Variants in LY96 observed in about 807,000 individuals in gnomAD.
The protein encoded by LY96 is lymphocyte antigen 96.
LY96 carries 18 observed loss-of-function variants against 18.9 expected under a neutral mutation model. The ratio of observed to expected loss-of-function variants is 0.95; its 90% confidence interval spans 0.66 to 1.41. LY96 has a LOEUF of 1.41. Among genes scored for constraint, LY96 ranks in the 40% most tolerant of loss-of-function variants. LY96 has a pLI of 0.00. For missense variants in LY96, 175 were observed against 182.4 expected, an observed-to-expected ratio of 0.96 and a Z score of 0.23; for synonymous variants, 66 against 62.6, an observed-to-expected ratio of 1.06 and a Z score of -0.26.
Position 73,996,368 on chromosome 8 carries a change from CATTCCTTTCTTT to C in LY96, c.112+4815_112+4826del, listed in dbSNP as rs1563707762. 1.2e-3 allele frequency among the ~76,000 whole-genome samples: 75 copies of C among 62,530 alleles called. 2 individuals carry two copies. Among genetic ancestry groups the C allele is most frequent in the Admixed American group, 1.9e-3 (9 of 4,844 alleles). 41.0% of individuals were successfully genotyped at this position (62,530 alleles called of 152,430 possible). A position where few individuals can be genotyped will look rare whatever the true frequency, so the allele number is the denominator to read the frequency against. On this transcript the variant is annotated intron_variant, in intron 1 of 4. Coordinates refer to ENST00000284818, the MANE Select transcript of LY96 (RefSeq NM_015364.5). The stretch of plus-strand genomic sequence containing the variant: ...TCCTTCCTTCCTTCCTTCCTTCCTT[CATTCCTTTCTTT>C]CTTTCTTTCTTTCTTTCTTTCTTTC...
chr8:74,070,468 A>G, the LY96 span, among the ~76,000 whole-genome samples: 2 of 152,308 alleles, frequency 1.3e-5, no homozygotes, highest in African/African-American at 4.8e-5. Context: ...CCCCTACTCC[A>G]GCTTTATCTT....
chr8:74,060,975 A>G, the LY96 span, among the ~76,000 whole-genome samples: 4 of 152,194 alleles, frequency 2.6e-5, no homozygotes, highest in African/African-American at 7.2e-5. Context: ...GAGCATTTCT[A>G]TACCTTCGTG....
At chr8:74,036,468 A>G in the LY96 span, among the ~76,000 whole-genome samples, 2 of 152,162 alleles carry the variant, frequency 1.3e-5, no homozygotes, top group Admixed American at 6.5e-5. Flanking sequence ...AGAAACTAAG[A>G]TGGGTTTTTT....
the LY96 span, among the ~76,000 whole-genome samples, chr8:74,095,048 A>G: frequency 6.6e-6 from 1 of 152,204 alleles, no homozygotes; most frequent in Non-Finnish European, 1.5e-5. Flanking sequence ...GAATTTCCCA[A>G]TATTATTGTT....
chr8:74,087,982 A>T, the LY96 span, among the ~76,000 whole-genome samples: 30 of 151,946 alleles, frequency 2.0e-4, no homozygotes, highest in African/African-American at 7.2e-4. Flanking sequence ...GGACAAATTC[A>T]AGTTTGTCTT....
At chr8:74,065,673 T>C in the LY96 span, among the ~76,000 whole-genome samples, 1 of 152,164 alleles carries the variant, frequency 6.6e-6, no homozygotes, top group Admixed American at 6.5e-5. Context: ...TAAATGAAAA[T>C]TACTAACATT....
chr8:74,098,486 A>G, the LY96 span, among the ~76,000 whole-genome samples: 1 of 151,992 alleles, frequency 6.6e-6, no homozygotes, highest in African/African-American at 2.4e-5. Flanking sequence ...AGCGATTCTC[A>G]TGCGCCAGCC....
the LY96 span, among the ~76,000 whole-genome samples, chr8:74,038,852 T>C: frequency 2.0e-5 from 3 of 152,394 alleles, no homozygotes; most frequent in South Asian, 2.1e-4. Flanking sequence ...TCTGATATAC[T>C]GATTTCCTTT....
At chr8:74,042,730 A>G in the LY96 span, among the ~76,000 whole-genome samples, 2 of 152,020 alleles carry the variant, frequency 1.3e-5, no homozygotes, top group Non-Finnish European at 2.9e-5. Context: ...TAGTCCTTAA[A>G]AGTTTGTTAA....
chr8:74,011,942 T>C (rs1014397092), intron 3 of LY96, among the ~76,000 whole-genome samples: 1 of 101,640 alleles, frequency 9.8e-6, no homozygotes, highest in African/African-American at 6.6e-5. Context: ...AAATGGTCAA[T>C]AGGTATATTA....
At chr8:74,062,897 T>A in the LY96 span, among the ~76,000 whole-genome samples, 11,322 of 152,242 alleles carry the variant, frequency 0.074, 667 homozygotes, top group African/African-American at 0.17. Context: ...GCTATTAATG[T>A]ACAACTTCCT....
the LY96 span, among the ~76,000 whole-genome samples, chr8:74,077,969 G>A: frequency 6.6e-6 from 1 of 152,136 alleles, no homozygotes; most frequent in Admixed American, 6.5e-5. Context: ...TTAGCTGAGT[G>A]TGGTGGCACA....
Position 74,012,681 on chromosome 8 carries a change from A to T in LY96, c.331+2552A>T, listed in dbSNP as rs186125172. 3.9e-5 allele frequency among the ~76,000 whole-genome samples: 6 copies of T among 152,310 alleles called. No individual in the cohort carries two copies. The East Asian group carries it at 7.7e-4, about 20-fold the overall frequency. On this transcript the variant is annotated intron_variant, in intron 3 of 4. Coordinates refer to ENST00000284818, the MANE Select transcript of LY96 (RefSeq NM_015364.5). ...AAATCAGTATAAATAAATAAATAAA[A>T]AAGTCACTCCATTCTGGGAAAGACA...
At chr8:74,082,784 G>C in the LY96 span, among the ~76,000 whole-genome samples, 1 of 152,146 alleles carries the variant, frequency 6.6e-6, no homozygotes, top group Non-Finnish European at 1.5e-5. Context: ...TATGACTGGA[G>C]GGCAGAAGGA....
chr8:74,072,384 G>A, the LY96 span, among the ~76,000 whole-genome samples: 1 of 152,062 alleles, frequency 6.6e-6, no homozygotes, highest in African/African-American at 2.4e-5. Flanking sequence ...TTCTGTGAAA[G>A]GCTTGCTCTT....
the LY96 span, among the ~76,000 whole-genome samples, chr8:74,087,690 A>G: frequency 6.6e-6 from 1 of 152,182 alleles, no homozygotes. Context: ...GTGAAAAGTG[A>G]GACTTCCTAA....
At chr8:74,053,623 C>T in the LY96 span, among the ~76,000 whole-genome samples, 1 of 152,306 alleles carries the variant, frequency 6.6e-6, no homozygotes, top group African/African-American at 2.4e-5. Flanking sequence ...GCTCTTCTTA[C>T]CTAGAATGAA....
At chr8:74,030,966 T>C (rs1158805253), downstream of LY96, among the ~76,000 whole-genome samples, 3 of 152,334 alleles carry the variant, frequency 2.0e-5, no homozygotes, top group Admixed American at 6.5e-5. Context: ...ATATTGGCCC[T>C]GTTTGAACCA....
At chr8:74,046,937 C>T in the LY96 span, among the ~76,000 whole-genome samples, 38,683 of 148,086 alleles carry the variant, frequency 0.26, 6,192 homozygotes, top group African/African-American at 0.45. Context: ...AGTCTCGCTC[C>T]GTCGCCTAGG....
Sources: allele counts gnomAD v4.1 joint callset (sites outside exome capture counted in the v4.1 genomes callset), GRCh38; gene constraint gnomAD v4.1.1; transcripts MANE v1.5; gene names NCBI Gene and HGNC (gene_info 2026-07-23, HGNC 2026-07-21).